SUFU: variants seen among roughly 807,000 people sequenced by gnomAD.
SUFU encodes the protein suppressor of fused homolog.
SUFU carries 7 observed loss-of-function variants against 58.9 expected under a neutral mutation model. The observed-to-expected ratio is 0.12, with a 90% CI of 0.07 to 0.22. SUFU has a LOEUF of 0.22. Among genes scored for constraint, SUFU ranks in the 10% least tolerant of loss-of-function variants. The pLI is 1.00. For synonymous variants in SUFU, 232 were observed against 254.8 expected, an observed-to-expected ratio of 0.91 and a Z score of 0.85; for missense variants, 451 against 641.3, an observed-to-expected ratio of 0.70 and a Z score of 3.20.
At position 102,606,575 on chromosome 10, in the gene SUFU, C is replaced by T. The variant is rs549234012; in HGVS notation, c.1022+7031C>T. Among the ~76,000 whole-genome samples, 204 of 152,238 alleles carry T rather than the reference C, an allele frequency of 1.3e-3. 1 individual carries two copies. Among genetic ancestry groups the T allele is most frequent in the African/African-American group, 4.7e-3 (197 of 41,532 alleles). On this transcript the variant is annotated intron_variant, in intron 8 of 11. Transcript: ENST00000369902. ...GAGTGGTGTGACTCTAGATCTGAGC[C>T]TCTTCACTGAGTATTGCCTGTAAAA...
Position 102,617,704 on chromosome 10 carries a change from G to C in SUFU, c.1296+276G>C. On this transcript the variant is annotated intron_variant, in intron 10 of 11. Transcript: ENST00000369902. The surrounding 1 kb of genome is among the most constrained non-coding windows in gnomAD (Gnocchi z 4.4). ...TGGCTCTTGGTAATTCTGGTTCCCC[G>C]TGGAAATCCAGGTTGGAGGGATATA... 1.7e-6 allele frequency: 1 copy of C among 600,534 alleles called. No homozygotes were observed. The highest frequency in any genetic ancestry group is 2.2e-5 in the South Asian group (1 of 46,446). The allele number at this position is 600,534 out of a possible 1,614,324, so 37.2% of individuals were successfully genotyped here.
intron 2 of SUFU, among the ~76,000 whole-genome samples, chr10:102,519,527 C>CAAAAAAAAA: frequency 7.8e-6 from 1 of 127,420 alleles, no homozygotes. Flanking sequence ...AACTCTGTCT[C>CAAAAAAAAA]AAAAAAAAAA....
At chr10:102,588,913 G>GTTTA (rs569411510) in intron 3 of SUFU, among the ~76,000 whole-genome samples, 30 of 151,934 alleles carry the variant, frequency 2.0e-4, no homozygotes, top group East Asian at 5.8e-4. Context: ...TTTTTATTTT[G>GTTTA]TTTATTTATT....
chr10:102,568,094 T>C (rs1300579380), intron 3 of SUFU, among the ~76,000 whole-genome samples: 1 of 128,732 alleles, frequency 7.8e-6, no homozygotes, highest in Non-Finnish European at 1.7e-5. Context: ...CAAACAAATA[T>C]AACATTATTG....
intron 10 of SUFU, among the ~76,000 whole-genome samples, chr10:102,621,685 A>G (rs1050767380): frequency 1.1e-4 from 17 of 152,184 alleles, no homozygotes; most frequent in African/African-American, 4.1e-4. Context: ...AGGCTCTTCC[A>G]CTGTAAACAA....
intron 2 of SUFU, among the ~76,000 whole-genome samples, chr10:102,529,943 CAAAA>C (rs55915114): frequency 1.5e-5 from 2 of 134,438 alleles, no homozygotes; most frequent in Non-Finnish European, 3.2e-5. Context: ...GACTCCGTCT[CAAAA>C]AAAAAAAAAG....
chr10:102,510,886 C>T (rs1434126140), intron 2 of SUFU, among the ~76,000 whole-genome samples: 2 of 151,374 alleles, frequency 1.3e-5, no homozygotes, highest in East Asian at 3.9e-4. Flanking sequence ...TTTGGGAGGT[C>T]GAGGCAGGCG....
chr10:102,532,381 A>G (rs753098980), intron 2 of SUFU, among the ~76,000 whole-genome samples: 6 of 152,192 alleles, frequency 3.9e-5, no homozygotes, highest in African/African-American at 9.6e-5. Flanking sequence ...TGTTGCTGCA[A>G]ATCAGCAGCT....
At chr10:102,556,747 A>G in intron 3 of SUFU, among the ~76,000 whole-genome samples, 1 of 71,974 alleles carries the variant, frequency 1.4e-5, no homozygotes, top group Non-Finnish European at 2.8e-5. Context: ...AAAAAAAAAA[A>G]AAAGGAAGGG....
intron 2 of SUFU, among the ~76,000 whole-genome samples, chr10:102,528,815 T>A (rs907774558): frequency 6.6e-6 from 1 of 152,146 alleles, no homozygotes; most frequent in African/African-American, 2.4e-5. Context: ...ATGCATTCCA[T>A]GAATCTGGTT....
In SUFU at chr10:102,617,799, G is replaced by A. The variant is rs2063702549; in HGVS notation, c.1296+371G>A. On this transcript the variant is annotated intron_variant, in intron 10 of 11. Transcript: ENST00000369902. This position sits in a 1 kb window ranked among gnomAD's most constrained non-coding sequence, Gnocchi z 4.4. ...ATGAAGCAAGATGGGAGGATGTGTG[G>A]AGGCCACTCTCCAATGGCTACATGG... The A allele has an allele frequency of 2.0e-6, 1 of 512,700 alleles. No homozygotes were observed. The highest frequency in any genetic ancestry group is 3.1e-5 in the East Asian group (1 of 32,648). 31.8% of individuals were successfully genotyped at this position (512,700 alleles called of 1,614,324 possible).
At position 102,535,962 on chromosome 10, in the gene SUFU, ATGATGATGT is replaced by A. The variant is rs775298429; in HGVS notation, c.318-14005_318-13997del. Reference sequence around the variant, plus strand: ...GATGATGATGATGATGATGATGATGATGATGATGTTGTTGATGATTTTAAGACAGAGTCT... The same window carrying A: ...GATGATGATGATGATGATGATGATGATGTTGATGATTTTAAGACAGAGTCT... On this transcript the variant is annotated intron_variant, in intron 2 of 11. Coordinates refer to ENST00000369902, the MANE Select transcript of SUFU (RefSeq NM_016169.4). Among the ~76,000 whole-genome samples, 555 of 130,176 alleles carry A rather than the reference ATGATGATGT, an allele frequency of 4.3e-3. 3 individuals carry two copies. Among genetic ancestry groups the A allele is most frequent in the Non-Finnish European group, 8.1e-3 (472 of 58,558 alleles). 85.4% of individuals were successfully genotyped at this position (130,176 alleles called of 152,430 possible).
intron 2 of SUFU, among the ~76,000 whole-genome samples, chr10:102,548,579 T>C (rs139215065): frequency 1.2e-4 from 19 of 152,338 alleles, no homozygotes; most frequent in African/African-American, 4.3e-4. Context: ...TGTATAATCA[T>C]TGTGGCTCAT....
Position 102,587,188 on chromosome 10 carries a change from C to A in SUFU, c.455-5394C>A, listed in dbSNP as rs567947180. Among the ~76,000 whole-genome samples, 14 of 152,266 alleles carry A rather than the reference C, an allele frequency of 9.2e-5. No individual in the cohort carries two copies. In the South Asian group the frequency reaches 2.5e-3, roughly 27 times the overall value. On this transcript the variant is annotated intron_variant, in intron 3 of 11. Coordinates refer to ENST00000369902, the MANE Select transcript of SUFU (RefSeq NM_016169.4). ...TAGGTATACAAATATCTGTTTGAGA[C>A]CATGCTTTCAGTTATTTTGGCTATA... is the stretch of plus-strand genomic sequence containing the variant.
chr10:102,561,505 G>C (rs1465031755), intron 3 of SUFU, among the ~76,000 whole-genome samples: 1 of 152,086 alleles, frequency 6.6e-6, no homozygotes, highest in Non-Finnish European at 1.5e-5. Context: ...GAGTAGCTGG[G>C]ATTACAGATG....
intron 3 of SUFU, among the ~76,000 whole-genome samples, chr10:102,591,989 C>T (rs554581225): frequency 3.9e-5 from 6 of 152,282 alleles, no homozygotes; most frequent in South Asian, 2.1e-4. Context: ...GTCTCTGCCA[C>T]GGTGTGGGAG....
chr10:102,617,174 A>C lies in SUFU; in HGVS notation c.1158-116A>C. On this transcript the variant is annotated intron_variant, in intron 9 of 11. Transcript: ENST00000369902. The surrounding 1 kb of genome is among the most constrained non-coding windows in gnomAD (Gnocchi z 4.4). Reference sequence around the variant, plus strand: ...TGGGCAGGTGGGCAGCCAGGAGGGCATGTTACCTGGCCCGCGGACCATAGT... The same window carrying C: ...TGGGCAGGTGGGCAGCCAGGAGGGCCTGTTACCTGGCCCGCGGACCATAGT... 1 of 1,378,232 alleles carries C rather than the reference A, an allele frequency of 7.3e-7. No homozygotes were observed. The highest frequency in any genetic ancestry group is 1.0e-6 in the Non-Finnish European group (1 of 977,620). 85.4% of individuals were successfully genotyped at this position (1,378,232 alleles called of 1,614,324 possible).
chr10:102,597,344 AG>A (rs1469561138), intron 7 of SUFU, 51 bp downstream of exon 7: 1 of 1,591,042 alleles, frequency 6.3e-7, no homozygotes, highest in South Asian at 1.1e-5. Context: ...CCTTTTCCCC[AG>A]GGCCTGGTTT....
chr10:102,599,561 C>A lies in SUFU; in HGVS notation c.1022+17C>A. 6.2e-7 allele frequency: 1 copy of A among 1,609,864 alleles called. No individual in the cohort carries two copies. The highest frequency in any genetic ancestry group is 1.1e-5 in the South Asian group (1 of 90,982). On this transcript the variant is annotated intron_variant, in intron 8 of 11. Transcript: ENST00000369902. ...CCGGGCCCCGTAAGTTCCCCAGTGT[C>A]CCTGGGCTGGAACAAGAGGACGACT...
Sources: allele counts gnomAD v4.1 joint callset (sites outside exome capture counted in the v4.1 genomes callset), GRCh38; gene constraint gnomAD v4.1.1; non-coding constraint Gnocchi (gnomAD v3.1); transcripts MANE v1.5; gene names NCBI Gene and HGNC (gene_info 2026-07-23, HGNC 2026-07-21).